Variants in DYNC2I1 observed in about 807,000 individuals in gnomAD.
DYNC2I1 encodes the protein cytoplasmic dynein 2 intermediate chain 1.
In DYNC2I1, 89 loss-of-function variants were observed where a neutral mutation model predicts 133.4. The observed-to-expected ratio is 0.67, with a 90% CI of 0.56 to 0.80. The LOEUF is 0.80. Among genes scored for constraint, DYNC2I1 ranks in the 30% least tolerant of loss-of-function variants. The probability of loss-of-function intolerance (pLI) is 0.00; values close to 1 mark genes in which losing one functional copy is unlikely to be tolerated. For missense variants in DYNC2I1, 1,291 were observed against 1,314.5 expected (o/e 0.98, Z 0.28); for synonymous variants, 504 against 484.3 (o/e 1.04, Z -0.54).
At chr7:158,889,869 G>A (rs1429323524) in intron 7 of DYNC2I1, among the ~76,000 whole-genome samples, 1 of 151,820 alleles carries the variant, frequency 6.6e-6, no homozygotes, top group East Asian at 1.9e-4. Context: ...GCCGGGTGTG[G>A]TGGTGGCCTC....
intron 17 of DYNC2I1, among the ~76,000 whole-genome samples, chr7:158,925,859 C>G (rs898415276): frequency 6.6e-6 from 1 of 152,118 alleles, no homozygotes; most frequent in Non-Finnish European, 1.5e-5. Flanking sequence ...GATTTGGCCT[C>G]GCAGAGACTT....
chr7:158,913,400 C>T (rs977661988), intron 13 of DYNC2I1, among the ~76,000 whole-genome samples: 4 of 152,170 alleles, frequency 2.6e-5, no homozygotes, highest in South Asian at 2.1e-4. Flanking sequence ...ACCACTGTGT[C>T]GCTGGACCTT....
At chr7:158,932,940 G>A (rs1440491705) in intron 21 of DYNC2I1, among the ~76,000 whole-genome samples, 1 of 152,208 alleles carries the variant, frequency 6.6e-6, no homozygotes, top group Non-Finnish European at 1.5e-5. Context: ...GCGAGGATAG[G>A]AGCAGGGAGG....
At chr7:158,924,731 A>C (rs1166066791) in intron 17 of DYNC2I1, among the ~76,000 whole-genome samples, 1 of 152,214 alleles carries the variant, frequency 6.6e-6, no homozygotes, top group Non-Finnish European at 1.5e-5. Context: ...CTGTACATAC[A>C]AATAAATTAT....
chr7:158,849,731 TG>T, the DYNC2I1 span, among the ~76,000 whole-genome samples: 4 of 152,188 alleles, frequency 2.6e-5, no homozygotes, highest in Non-Finnish European at 5.9e-5. Context: ...GCTGTCAGGT[TG>T]TCTCTCTGCA....
chr7:158,952,294 C>T (rs990078311), intron 4 of DYNC2I1, among the ~76,000 whole-genome samples: 3 of 152,172 alleles, frequency 2.0e-5, no homozygotes, highest in Non-Finnish European at 4.4e-5. Flanking sequence ...CCAGTGAGCA[C>T]GGGAGGAGCA....
chr7:158,950,213 A>G (rs1237006976), downstream of DYNC2I1, among the ~76,000 whole-genome samples: 1 of 152,124 alleles, frequency 6.6e-6, no homozygotes, highest in Non-Finnish European at 1.5e-5. Flanking sequence ...ACAGGTGTGC[A>G]CCACCACACT....
chr7:158,926,039 T>C (rs1207951475), intron 17 of DYNC2I1, 148 bp from the exon 18 acceptor site: 8 of 646,104 alleles, frequency 1.2e-5, no homozygotes, highest in Non-Finnish European at 2.2e-5. Context: ...GTGTGGTCCA[T>C]GTTGGTTTTG....
intron 15 of DYNC2I1, among the ~76,000 whole-genome samples, chr7:158,919,652 A>T (rs1848818786): frequency 1.3e-5 from 2 of 152,144 alleles, no homozygotes; most frequent in African/African-American, 4.8e-5. Flanking sequence ...TGTTCCAGGC[A>T]TTTCTTCCGT....
chr7:158,937,647 G>A (rs552120916), intron 23 of DYNC2I1, among the ~76,000 whole-genome samples: 1 of 112,922 alleles, frequency 8.9e-6, no homozygotes, highest in Non-Finnish European at 1.9e-5. Context: ...ACACAAGGCT[G>A]GGTGCAGTGG....
In DYNC2I1 at chr7:158,863,628, G is replaced by C. The variant is rs867309865; in HGVS notation, c.16-6227G>C. The stretch of plus-strand genomic sequence containing the variant: ...ACGTCCTTAGCTCCGGGTGTGTTTG[G>C]GGGGGGCGGTGAGCGGGACGTCCTT... On this transcript the variant is annotated intron_variant, in intron 1 of 24. Coordinates refer to ENST00000407559, the MANE Select transcript of DYNC2I1 (RefSeq NM_018051.5). 6.0e-4 allele frequency among the ~76,000 whole-genome samples: 67 copies of C among 110,970 alleles called. 2 individuals carry two copies. In the Middle Eastern group the frequency reaches 0.016, roughly 26 times the overall value. The allele number at this position is 110,970 out of a possible 152,430, so 72.8% of individuals were successfully genotyped here. A position where few individuals can be genotyped will look rare whatever the true frequency, so the allele number is the denominator to read the frequency against.
chr7:158,872,020 TA>T (rs1278238998), intron 3 of DYNC2I1, among the ~76,000 whole-genome samples: 1 of 152,130 alleles, frequency 6.6e-6, no homozygotes, highest in African/African-American at 2.4e-5. Flanking sequence ...TTTGGTATTT[TA>T]AAAACTTGTT....
chr7:158,958,533 A>G (rs1852257827), downstream of DYNC2I1, among the ~76,000 whole-genome samples: 1 of 152,236 alleles, frequency 6.6e-6, no homozygotes, highest in Non-Finnish European at 1.5e-5. Flanking sequence ...TCTTGGCTTC[A>G]CACACTAGAA....
chr7:158,941,845 C>A (rs530149232), intron 23 of DYNC2I1, 80 bp from the exon 24 acceptor site: 19 of 1,498,826 alleles, frequency 1.3e-5, no homozygotes, highest in African/African-American at 8.3e-5. Context: ...CCACTGCACT[C>A]CAGGCTGGGT....
intron 1 of DYNC2I1, among the ~76,000 whole-genome samples, chr7:158,864,340 G>C (rs1319842941): frequency 3.3e-5 from 5 of 151,984 alleles, no homozygotes; most frequent in Admixed American, 6.5e-5. Flanking sequence ...GTTGGGCCGC[G>C]GTGTCTCTGT....
chr7:158,847,672 G>C, the DYNC2I1 span, among the ~76,000 whole-genome samples: 2 of 152,166 alleles, frequency 1.3e-5, no homozygotes, highest in Non-Finnish European at 2.9e-5. Flanking sequence ...TTCTGTAATA[G>C]CTAAAATGAA....
intron 5 of DYNC2I1, among the ~76,000 whole-genome samples, chr7:158,883,555 A>G (rs919600887): frequency 1.3e-5 from 2 of 151,170 alleles, no homozygotes; most frequent in African/African-American, 2.4e-5. Flanking sequence ...AATTAGAATG[A>G]TATAACTTTT....
chr7:158,922,484 G>A lies in DYNC2I1; in HGVS notation c.2029G>A (p.Val677Ile), dbSNP rs767670522. 3.8e-5 allele frequency: 62 copies of A among 1,613,798 alleles called. No individual in the cohort carries two copies. Among genetic ancestry groups the A allele is most frequent in the Non-Finnish European group, 4.2e-5 (50 of 1,179,892 alleles). The change falls in exon 16 of 25, where the codon GTC becomes ATC. Residue 677 changes from valine to isoleucine, a missense_variant. Physicochemically the swap from Val to Ile is conservative, Grantham distance 29. Transcript: ENST00000407559. ...SFVPLLDSKYVLCVWDIWQPS... is the reference protein window; with the variant it reads ...SFVPLLDSKYILCVWDIWQPS... ...TGTGCCCCTGCTGGACAGCAAATACGTCCTCTGTGTGTGGGATATTTGGCA... is the reference window on the plus strand; with the variant it reads ...TGTGCCCCTGCTGGACAGCAAATACATCCTCTGTGTGTGGGATATTTGGCA...
chr7:158,839,269 A>G, the DYNC2I1 span, among the ~76,000 whole-genome samples: 82 of 130,018 alleles, frequency 6.3e-4, no homozygotes, highest in South Asian at 1.8e-3. Flanking sequence ...GGATGCTAAT[A>G]TGACTCCATA....
Sources: gnomAD v4.1 joint callset for allele counts (sites outside exome capture counted in the v4.1 genomes callset) on GRCh38, gnomAD v4.1.1 for gene constraint, MANE v1.5 for transcripts, NCBI Gene and HGNC (gene_info 2026-07-23, HGNC 2026-07-21) for gene names.